Variants in ELP4 observed in about 807,000 individuals in gnomAD.
The protein encoded by ELP4 is elongator acetyltransferase complex subunit 4, also known as elongator complex protein 4.
A neutral mutation model predicts 48.9 loss-of-function variants in ELP4; 51 were observed. The observed-to-expected ratio is 1.04, with a 90% CI of 0.83 to 1.32. The LOEUF (loss-of-function observed/expected upper bound fraction) is 1.32, where lower values mean the gene tolerates loss of function less well. Ranked by LOEUF, ELP4 falls within the 40% of genes most tolerant of loss-of-function variation. The pLI is 0.00. For missense variants in ELP4, 519 were observed against 514.6 expected (o/e 1.01, Z -0.08); for synonymous variants, 210 against 189.2 (o/e 1.11, Z -0.90).
At chr11:31,632,185 T>C (rs759690294) in intron 6 of ELP4, 32 bp from the exon 7 acceptor site, 2 of 1,567,560 alleles carry the variant, frequency 1.3e-6, no homozygotes, top group East Asian at 2.3e-5. Context: ...AACAAAACTT[T>C]ATATGTTTGC....
At chr11:31,543,961 T>C (rs1379814750) in intron 3 of ELP4, among the ~76,000 whole-genome samples, 1 of 152,166 alleles carries the variant, frequency 6.6e-6, no homozygotes, top group African/African-American at 2.4e-5. Flanking sequence ...TAAGAAATAC[T>C]AAAGTTTTTC....
At chr11:31,536,061 G>A (rs1200159285) in intron 2 of ELP4, among the ~76,000 whole-genome samples, 1 of 152,046 alleles carries the variant, frequency 6.6e-6, no homozygotes, top group African/African-American at 2.4e-5. Context: ...AGTCCCCTGT[G>A]GATACCAAGA....
At chr11:31,635,850 C>T (rs1207656353) in intron 7 of ELP4, among the ~76,000 whole-genome samples, 1 of 151,950 alleles carries the variant, frequency 6.6e-6, no homozygotes, top group Non-Finnish European at 1.5e-5. Flanking sequence ...TAGAAATCTC[C>T]AGCAGCCTCT....
intron 9 of ELP4, among the ~76,000 whole-genome samples, chr11:31,747,332 G>A (rs1031704955): frequency 6.6e-6 from 1 of 152,058 alleles, no homozygotes; most frequent in African/African-American, 2.4e-5. Flanking sequence ...CATATAATTA[G>A]CTTAAGAGAA....
intron 5 of ELP4, among the ~76,000 whole-genome samples, chr11:31,607,583 G>C (rs759276655): frequency 3.9e-5 from 6 of 152,128 alleles, no homozygotes; most frequent in African/African-American, 1.2e-4. Flanking sequence ...TAAAGGCCTC[G>C]TCTCTTAATA....
At chr11:31,581,606 G>A (rs144940419) in intron 3 of ELP4, among the ~76,000 whole-genome samples, 4 of 152,138 alleles carry the variant, frequency 2.6e-5, no homozygotes, top group Admixed American at 6.5e-5. Flanking sequence ...GTTCTAAAAC[G>A]TCAGAATTAT....
intron 5 of ELP4, among the ~76,000 whole-genome samples, chr11:31,620,573 G>C (rs61878517): frequency 1.3e-5 from 2 of 151,966 alleles, no homozygotes; most frequent in African/African-American, 4.8e-5. Flanking sequence ...TTGGAAGAGA[G>C]ATCAAAATAC....
intron 9 of ELP4, among the ~76,000 whole-genome samples, chr11:31,734,971 A>C (rs545747766): frequency 6.6e-6 from 1 of 152,214 alleles, no homozygotes; most frequent in Admixed American, 6.5e-5. Flanking sequence ...TTACAAAGCT[A>C]CAGTAATCAA....
At chr11:31,548,296 A>T (rs927390189) in intron 3 of ELP4, among the ~76,000 whole-genome samples, 2 of 152,220 alleles carry the variant, frequency 1.3e-5, no homozygotes, top group African/African-American at 4.8e-5. Context: ...GTCTCAGGAT[A>T]CAAAATCAAT....
At chr11:31,695,457 C>T (rs1053355045) in intron 9 of ELP4, among the ~76,000 whole-genome samples, 1 of 151,930 alleles carries the variant, frequency 6.6e-6, no homozygotes, top group Non-Finnish European at 1.5e-5. Flanking sequence ...CGATGGATTA[C>T]ATTTATTGAT....
intron 2 of ELP4, among the ~76,000 whole-genome samples, chr11:31,532,770 G>GTTTT (rs1166501622): frequency 8.1e-6 from 1 of 123,538 alleles, no homozygotes; most frequent in African/African-American, 2.9e-5. Context: ...TTTTTTGTTG[G>GTTTT]TTTTTTTTTT....
intron 9 of ELP4, among the ~76,000 whole-genome samples, chr11:31,751,187 G>C (rs1267244928): frequency 6.6e-6 from 1 of 152,190 alleles, no homozygotes; most frequent in African/African-American, 2.4e-5. Context: ...CAAGTTCACT[G>C]GTAGAAATTG....
chr11:31,555,178 A>T (rs957696701), intron 3 of ELP4, among the ~76,000 whole-genome samples: 1 of 152,130 alleles, frequency 6.6e-6, no homozygotes, highest in African/African-American at 2.4e-5. Flanking sequence ...ATGAATGACT[A>T]TATGTGCTAT....
intron 3 of ELP4, among the ~76,000 whole-genome samples, chr11:31,544,651 G>T (rs941601360): frequency 6.6e-6 from 1 of 152,204 alleles, no homozygotes; most frequent in African/African-American, 2.4e-5. Flanking sequence ...GAGAGCAGAG[G>T]TTCTCCCAGC....
intron 3 of ELP4, among the ~76,000 whole-genome samples, chr11:31,544,677 T>G (rs1956665225): frequency 6.6e-6 from 1 of 152,220 alleles, no homozygotes; most frequent in South Asian, 2.1e-4. Flanking sequence ...GCTGGAGATC[T>G]GAGGATGGGC....
intron 3 of ELP4, among the ~76,000 whole-genome samples, chr11:31,588,567 G>A (rs142620710): frequency 1.4e-4 from 22 of 152,078 alleles, no homozygotes; most frequent in African/African-American, 4.1e-4. Context: ...ACTTCTCCGC[G>A]TTGTTTGAAA....
intron 3 of ELP4, among the ~76,000 whole-genome samples, chr11:31,547,074 A>G (rs1956739813): frequency 6.6e-6 from 1 of 152,214 alleles, no homozygotes; most frequent in Non-Finnish European, 1.5e-5. Context: ...CAATTAAAAG[A>G]ACTAGAGAAC....
At chr11:31,531,718 C>T (rs1424497927) in intron 2 of ELP4, among the ~76,000 whole-genome samples, 3 of 152,070 alleles carry the variant, frequency 2.0e-5, no homozygotes, top group African/African-American at 2.4e-5. Context: ...GGGTGTTTTT[C>T]GACTGAGAGC....
chr11:31,603,753 G>T lies in ELP4; in HGVS notation c.514-15G>T, dbSNP rs780244331. ...AATAATTGTTTAACAACCACTATGG[G>T]GTTTATTTTAGCAGATTGGACCAGT... On this transcript the variant is annotated splice_polypyrimidine_tract_variant and intron_variant, in intron 4 of 9. Transcript: ENST00000640961. 1.2e-6 allele frequency: 2 copies of T among 1,602,230 alleles called. No homozygotes were observed. The highest frequency in any genetic ancestry group is 1.7e-6 in the Non-Finnish European group (2 of 1,173,614).
Sources: allele counts gnomAD v4.1 joint callset (sites outside exome capture counted in the v4.1 genomes callset), GRCh38; gene constraint gnomAD v4.1.1; transcripts MANE v1.5; gene names NCBI Gene and HGNC (gene_info 2026-07-23, HGNC 2026-07-21).